Variants in GPR39 observed in about 807,000 individuals in gnomAD.
The protein encoded by GPR39 is G protein-coupled receptor 39.
A neutral mutation model predicts 18.4 loss-of-function variants in GPR39; 23 were observed. That is an observed-to-expected ratio of 1.25 (90% confidence interval 0.90 to 1.77). GPR39 has a LOEUF of 1.77. Ranked by LOEUF, GPR39 falls within the 40% of genes most tolerant of loss-of-function variation. The pLI is 0.00. For synonymous variants in GPR39, 280 were observed against 257.9 expected (o/e 1.09, Z -0.82); for missense variants, 647 against 602.4 (o/e 1.07, Z -0.78).
chr2:132,588,510 G>T (rs1457598777), intron 1 of GPR39, among the ~76,000 whole-genome samples: 2 of 152,290 alleles, frequency 1.3e-5, no homozygotes, highest in Admixed American at 6.5e-5. Flanking sequence ...TGACTTGATG[G>T]CTGGGAGCCT....
rs1352354092 is a variant in GPR39, at chr2:132,468,352, TA to T, written c.856+50455del. On this transcript the variant is annotated intron_variant, in intron 1 of 1. Coordinates refer to ENST00000329321, the MANE Select transcript of GPR39 (RefSeq NM_001508.3). Reference sequence around the variant, plus strand: ...CAAAGAAGGATGAGATTAACTGCAATAGGGGAAGCTTTTGTGGAGGGGATAG... The same window carrying T: ...CAAAGAAGGATGAGATTAACTGCAATGGGGAAGCTTTTGTGGAGGGGATAG... 5.9e-5 allele frequency among the ~76,000 whole-genome samples: 9 copies of T among 152,154 alleles called. No homozygotes were observed. The East Asian group carries it at 1.7e-3, about 29-fold the overall frequency.
chr2:132,489,432 G>A (rs1033844965), intron 1 of GPR39, among the ~76,000 whole-genome samples: 1 of 152,074 alleles, frequency 6.6e-6, no homozygotes, highest in African/African-American at 2.4e-5. Context: ...CTGGCGGCAG[G>A]CCGTGGGGCT....
chr2:132,453,496 T>G (rs1475586818), intron 1 of GPR39, among the ~76,000 whole-genome samples: 2 of 152,214 alleles, frequency 1.3e-5, no homozygotes, highest in Non-Finnish European at 2.9e-5. Flanking sequence ...TAGATCCCAT[T>G]TATCTATTTT....
Position 132,416,986 on chromosome 2 carries a change from G to C in GPR39, c.-57G>C, listed in dbSNP as rs200015446. The stretch of plus-strand genomic sequence containing the variant: ...CAGCCAAGAATTTTGGACGCTGCTG[G>C]GAGGAGAAAGGGAAGTTGAGAAAGT... On this transcript the variant is annotated 5_prime_UTR_variant, in exon 1 of 2. Coordinates refer to ENST00000329321, the MANE Select transcript of GPR39 (RefSeq NM_001508.3). The C allele has an allele frequency of 1.6e-4, 249 of 1,579,924 alleles. No homozygotes were observed. Among genetic ancestry groups the C allele is most frequent in the Non-Finnish European group, 2.0e-4 (232 of 1,162,388 alleles).
chr2:132,426,993 A>C (rs116518278), intron 1 of GPR39, among the ~76,000 whole-genome samples: 2,787 of 151,850 alleles, frequency 0.018, 68 homozygotes, highest in African/African-American at 0.063. Context: ...GAAAAAGATC[A>C]ACTCTGCTTT....
At chr2:132,527,963 GTTACCA>G (rs1679543860) in intron 1 of GPR39, among the ~76,000 whole-genome samples, 1 of 152,082 alleles carries the variant, frequency 6.6e-6, no homozygotes, top group Non-Finnish European at 1.5e-5. Flanking sequence ...TTTTGCTTTT[GTTACCA>G]TTGCTTTTGG....
chr2:132,577,977 G>A (rs774035312), intron 1 of GPR39, among the ~76,000 whole-genome samples: 18 of 151,418 alleles, frequency 1.2e-4, no homozygotes, highest in Non-Finnish European at 2.7e-4. Flanking sequence ...AAGCATTGAG[G>A]CTTTCATTAA....
chr2:132,516,887 A>G (rs1466121166), intron 1 of GPR39, among the ~76,000 whole-genome samples: 2 of 152,240 alleles, frequency 1.3e-5, no homozygotes, highest in African/African-American at 4.8e-5. Flanking sequence ...GAAGAGAAGT[A>G]AAGGAAAGAG....
chr2:132,535,512 C>T (rs1166059597), intron 1 of GPR39, among the ~76,000 whole-genome samples: 3 of 151,856 alleles, frequency 2.0e-5, no homozygotes, highest in Non-Finnish European at 4.4e-5. Context: ...GGGATATTGG[C>T]CTGAAGTTTT....
At chr2:132,575,505 T>C (rs1573676512) in intron 1 of GPR39, among the ~76,000 whole-genome samples, 1 of 152,348 alleles carries the variant, frequency 6.6e-6, no homozygotes, top group East Asian at 1.9e-4. Flanking sequence ...CTGATGTGTT[T>C]ACTTTTTAAA....
chr2:132,630,764 C>T (rs1048264018), intron 1 of GPR39, among the ~76,000 whole-genome samples: 16 of 151,786 alleles, frequency 1.1e-4, no homozygotes, highest in South Asian at 2.1e-4. Flanking sequence ...GCTTAGGGAT[C>T]GATTGGATGT....
intron 1 of GPR39, among the ~76,000 whole-genome samples, chr2:132,601,314 A>C (rs1401969516): frequency 6.6e-6 from 1 of 152,212 alleles, no homozygotes; most frequent in Non-Finnish European, 1.5e-5. Context: ...TAACACACAC[A>C]AATCAATAAA....
intron 1 of GPR39, among the ~76,000 whole-genome samples, chr2:132,497,884 A>T (rs990846180): frequency 6.6e-6 from 1 of 152,158 alleles, no homozygotes; most frequent in Non-Finnish European, 1.5e-5. Flanking sequence ...CAGAGAATAT[A>T]TTACCAAAGA....
intron 1 of GPR39, among the ~76,000 whole-genome samples, chr2:132,499,517 G>GTTT (rs1228086643): frequency 1.3e-5 from 2 of 151,602 alleles, no homozygotes; most frequent in East Asian, 3.9e-4. Context: ...TGTTGTTGTT[G>GTTT]TTTGTTTTTT....
intron 1 of GPR39, among the ~76,000 whole-genome samples, chr2:132,617,735 T>C (rs1320195864): frequency 1.3e-5 from 2 of 152,212 alleles, no homozygotes; most frequent in African/African-American, 4.8e-5. Flanking sequence ...TATATTTAAA[T>C]ACTTGTGAAA....
intron 1 of GPR39, among the ~76,000 whole-genome samples, chr2:132,607,675 C>T (rs1237029372): frequency 6.6e-6 from 1 of 152,200 alleles, no homozygotes; most frequent in Non-Finnish European, 1.5e-5. Context: ...CAGTGCTGGT[C>T]CTGTTGACTT....
At chr2:132,540,084 T>A (rs765275506) in intron 1 of GPR39, among the ~76,000 whole-genome samples, 23 of 152,114 alleles carry the variant, frequency 1.5e-4, no homozygotes, top group Admixed American at 1.5e-3. Flanking sequence ...ACCCCCTAAC[T>A]CCTAAACTGG....
intron 1 of GPR39, among the ~76,000 whole-genome samples, chr2:132,500,943 AT>A (rs1189486388): frequency 6.6e-6 from 1 of 151,494 alleles, no homozygotes; most frequent in Non-Finnish European, 1.5e-5. Context: ...TTTATTTCTA[AT>A]TGAGCTTATT....
intron 1 of GPR39, among the ~76,000 whole-genome samples, chr2:132,469,464 A>G (rs1485513697): frequency 6.6e-6 from 1 of 152,186 alleles, no homozygotes; most frequent in African/African-American, 2.4e-5. Context: ...TTTGCCCTTT[A>G]TTGCCTCTGC....
Sources: allele counts gnomAD v4.1 joint callset (sites outside exome capture counted in the v4.1 genomes callset), GRCh38; gene constraint gnomAD v4.1.1; transcripts MANE v1.5; gene names NCBI Gene and HGNC (gene_info 2026-07-23, HGNC 2026-07-21).